MED27: variants seen among roughly 807,000 people sequenced by gnomAD.
MED27 encodes mediator complex subunit 27.
A neutral mutation model predicts 38.2 loss-of-function variants in MED27; 30 were observed. The ratio of observed to expected loss-of-function variants is 0.79; its 90% CI spans 0.59 to 1.07. The LOEUF is 1.07. Among genes scored for constraint, MED27 ranks in the 50% least tolerant of loss-of-function variants. MED27 has a pLI of 0.00. For missense variants in MED27, 289 were observed against 397.5 expected, an observed-to-expected ratio of 0.73 and a Z score of 2.32; for synonymous variants, 122 against 153.5, an observed-to-expected ratio of 0.79 and a Z score of 1.52.
At chr9:132,052,434 C>T (rs1166341790) in intron 2 of MED27, among the ~76,000 whole-genome samples, 2 of 152,148 alleles carry the variant, frequency 1.3e-5, no homozygotes. Context: ...GTAGAGGTCA[C>T]ATTTCAAAGC....
intron 2 of MED27, among the ~76,000 whole-genome samples, chr9:132,030,514 T>G (rs1352899337): frequency 6.6e-6 from 1 of 152,118 alleles, no homozygotes; most frequent in Non-Finnish European, 1.5e-5. Flanking sequence ...TCCCGCGACA[T>G]AATGAAATAC....
intron 4 of MED27, among the ~76,000 whole-genome samples, chr9:131,900,436 A>G (rs1183096081): frequency 1.3e-5 from 2 of 152,260 alleles, no homozygotes; most frequent in East Asian, 3.8e-4. Flanking sequence ...CTGACGTCTA[A>G]CAAAAACCTA....
At chr9:132,064,250 G>C (rs953038065) in intron 2 of MED27, among the ~76,000 whole-genome samples, 1 of 152,198 alleles carries the variant, frequency 6.6e-6, no homozygotes, top group Non-Finnish European at 1.5e-5. Context: ...AGAGCATCCG[G>C]GAACCCAGCA....
At chr9:132,034,001 T>TG (rs1234318697) in intron 2 of MED27, among the ~76,000 whole-genome samples, 2 of 152,242 alleles carry the variant, frequency 1.3e-5, no homozygotes. Context: ...GAGGCATGTG[T>TG]GATCAGTACT....
chr9:131,995,176 A>G (rs978608964), intron 3 of MED27, among the ~76,000 whole-genome samples: 4 of 152,146 alleles, frequency 2.6e-5, no homozygotes, highest in African/African-American at 7.2e-5. Flanking sequence ...GGACATGTAC[A>G]TGGGCATATG....
At chr9:132,004,795 C>T (rs1589261026) in intron 3 of MED27, among the ~76,000 whole-genome samples, 1 of 152,332 alleles carries the variant, frequency 6.6e-6, no homozygotes, top group East Asian at 1.9e-4. Flanking sequence ...CCAGAACATG[C>T]TGTGAAAGGA....
intron 2 of MED27, among the ~76,000 whole-genome samples, chr9:132,057,047 T>C (rs1380701205): frequency 6.6e-6 from 1 of 152,202 alleles, no homozygotes; most frequent in Non-Finnish European, 1.5e-5. Flanking sequence ...GGAGTTGCTC[T>C]AGCTCTTGGT....
intron 3 of MED27, among the ~76,000 whole-genome samples, chr9:132,012,924 A>G (rs957152844): frequency 2.0e-5 from 3 of 152,214 alleles, no homozygotes; most frequent in Non-Finnish European, 4.4e-5. Flanking sequence ...CAAACAGCAA[A>G]TGAGACCTTG....
chr9:132,030,589 A>C (rs1832937628), intron 2 of MED27, among the ~76,000 whole-genome samples: 1 of 152,246 alleles, frequency 6.6e-6, no homozygotes, highest in Non-Finnish European at 1.5e-5. Context: ...CTCTATTTCA[A>C]AGCAGCAATG....
At chr9:131,976,312 C>T (rs1831607640) in intron 3 of MED27, among the ~76,000 whole-genome samples, 1 of 152,210 alleles carries the variant, frequency 6.6e-6, no homozygotes, top group South Asian at 2.1e-4. Context: ...TCAATCCAGG[C>T]ATCAAAGCAT....
At chr9:131,988,323 T>A (rs1042902180) in intron 3 of MED27, among the ~76,000 whole-genome samples, 2 of 150,994 alleles carry the variant, frequency 1.3e-5, no homozygotes, top group Admixed American at 1.3e-4. Flanking sequence ...TTTGAAAAAA[T>A]AAAAAAAAAG....
chr9:131,862,196 G>A lies in MED27; in HGVS notation c.801+867C>T, dbSNP rs949224327. On this transcript the variant is annotated intron_variant, in intron 7 of 7. Coordinates refer to ENST00000292035, the MANE Select transcript of MED27 (RefSeq NM_004269.4). This position sits in a 1 kb window ranked among gnomAD's most constrained non-coding sequence, Gnocchi z 4.6. ...TCCAGGCTCTCTGAGCAGTGGCACTGTTGATGCCATGTGATAAGATGCACA... is the reference window on the plus strand; with the variant it reads ...TCCAGGCTCTCTGAGCAGTGGCACTATTGATGCCATGTGATAAGATGCACA... 3.3e-5 allele frequency among the ~76,000 whole-genome samples: 5 copies of A among 152,204 alleles called. No individual in the cohort carries two copies. Among genetic ancestry groups the A allele is most frequent in the African/African-American group, 4.8e-5 (2 of 41,440 alleles).
chr9:132,070,382 C>A (rs1399279221), intron 2 of MED27, among the ~76,000 whole-genome samples: 1 of 152,120 alleles, frequency 6.6e-6, no homozygotes, highest in Non-Finnish European at 1.5e-5. Flanking sequence ...ATAGTGAGAC[C>A]CCCATCTCTA....
chr9:131,973,145 TTTTC>T (rs1831518607), intron 3 of MED27, among the ~76,000 whole-genome samples: 2 of 152,246 alleles, frequency 1.3e-5, no homozygotes, highest in African/African-American at 2.4e-5. Flanking sequence ...CACTTTTTTC[TTTTC>T]TTTTTCTTTT....
At chr9:132,072,548 C>T (rs186419454) in intron 2 of MED27, among the ~76,000 whole-genome samples, 27 of 152,126 alleles carry the variant, frequency 1.8e-4, no homozygotes, top group Admixed American at 1.5e-3. Context: ...ATGGCTCCCA[C>T]GGTATCCAGG....
At chr9:132,020,786 A>G (rs769485069) in intron 2 of MED27, among the ~76,000 whole-genome samples, 3 of 152,174 alleles carry the variant, frequency 2.0e-5, no homozygotes, top group Non-Finnish European at 2.9e-5. Context: ...TTTTAATCTA[A>G]ATATCAGATG....
intron 2 of MED27, among the ~76,000 whole-genome samples, chr9:132,066,929 C>T (rs1833822680): frequency 6.6e-6 from 1 of 152,238 alleles, no homozygotes; most frequent in Admixed American, 6.5e-5. Context: ...GGCACTCACT[C>T]CCAGGCCTCC....
intron 6 of MED27, among the ~76,000 whole-genome samples, chr9:131,876,411 T>G (rs181462648): frequency 2.8e-4 from 42 of 152,300 alleles, no homozygotes; most frequent in African/African-American, 9.9e-4. Flanking sequence ...TGTGAGCTCC[T>G]GGGCCATGCT....
Position 131,884,061 on chromosome 9 carries a change from C to G in MED27, c.720G>C (p.Gln240His). The change falls in exon 6 of 8, where the codon CAG becomes CAC. Residue 240 changes from glutamine to histidine, a missense_variant. Coordinates refer to ENST00000292035, the MANE Select transcript of MED27 (RefSeq NM_004269.4). ...IWSKSNYQVFQKVTDHATTAL... is the reference protein window; with the variant it reads ...IWSKSNYQVFHKVTDHATTAL... ...AGAAGCAAAAAGTAAAACTTACCTT[C>G]TGGAATACTTGATAGTTGGATTTGG... 1 of 1,612,278 alleles carries G rather than the reference C, an allele frequency of 6.2e-7. No individual in the cohort carries two copies. Among genetic ancestry groups the G allele is most frequent in the East Asian group, 2.2e-5 (1 of 44,812 alleles).
Sources: gnomAD v4.1 joint callset for allele counts (sites outside exome capture counted in the v4.1 genomes callset) on GRCh38, gnomAD v4.1.1 for gene constraint, Gnocchi (gnomAD v3.1) non-coding constraint, MANE v1.5 for transcripts, NCBI Gene and HGNC (gene_info 2026-07-23, HGNC 2026-07-21) for gene names.